Variants in INPP4B observed in about 807,000 individuals in gnomAD.
INPP4B encodes the protein inositol polyphosphate-4-phosphatase type II B, also known as inositol polyphosphate 4-phosphatase type II.
A neutral mutation model predicts 122.5 loss-of-function variants in INPP4B; 55 were observed. That is an observed-to-expected ratio of 0.45 (90% confidence interval 0.36 to 0.56). INPP4B has a LOEUF of 0.56. Among genes scored for constraint, INPP4B ranks in the 20% least tolerant of loss-of-function variants. The probability of loss-of-function intolerance (pLI) is 0.00; values close to 1 mark genes in which losing one functional copy is unlikely to be tolerated. For synonymous variants in INPP4B, 403 were observed against 388.7 expected (o/e 1.04, Z -0.43); for missense variants, 1,000 against 1,097.7 (o/e 0.91, Z 1.26).
chr4:142,242,772 G>A (rs1860117535), intron 11 of INPP4B, among the ~76,000 whole-genome samples: 3 of 152,108 alleles, frequency 2.0e-5, no homozygotes, highest in East Asian at 3.9e-4. Context: ...CTATATAGAT[G>A]TCTCTCCTTT....
intron 16 of INPP4B, among the ~76,000 whole-genome samples, chr4:142,168,499 T>C (rs1469013136): frequency 1.3e-5 from 2 of 151,602 alleles, no homozygotes; most frequent in Non-Finnish European, 3.0e-5. Flanking sequence ...AAGCCTTGTT[T>C]TCAAACCTTG....
chr4:142,235,265 T>A (rs1214641366), intron 12 of INPP4B, among the ~76,000 whole-genome samples: 1 of 151,926 alleles, frequency 6.6e-6, no homozygotes, highest in African/African-American at 2.4e-5. Flanking sequence ...CTTGTTGAAT[T>A]TTTAAATGAA....
At chr4:142,130,543 A>C (rs1800759799) in intron 18 of INPP4B, among the ~76,000 whole-genome samples, 1 of 152,202 alleles carries the variant, frequency 6.6e-6, no homozygotes, top group Admixed American at 6.5e-5. Flanking sequence ...GCCACATCAG[A>C]AACAATGTGT....
At chr4:142,528,542 A>G (rs948771693) in intron 2 of INPP4B, among the ~76,000 whole-genome samples, 50 of 152,108 alleles carry the variant, frequency 3.3e-4, no homozygotes, top group African/African-American at 1.1e-3. Context: ...GACAGAAATC[A>G]CAGTCTTTTA....
chr4:142,619,431 T>C (rs964152721), intron 2 of INPP4B, among the ~76,000 whole-genome samples: 3 of 152,086 alleles, frequency 2.0e-5, no homozygotes, highest in South Asian at 4.1e-4. Context: ...AATCCTGCCA[T>C]AGGCAACAAC....
intron 11 of INPP4B, among the ~76,000 whole-genome samples, chr4:142,248,083 C>G (rs1729845746): frequency 6.6e-6 from 1 of 152,014 alleles, no homozygotes; most frequent in African/African-American, 2.4e-5. Flanking sequence ...ACCTTCCACT[C>G]CCAGGATATG....
At chr4:142,134,184 C>T (rs78095946) in intron 18 of INPP4B, among the ~76,000 whole-genome samples, 6,454 of 152,170 alleles carry the variant, frequency 0.042, 192 homozygotes, top group Middle Eastern at 0.082. Flanking sequence ...CCTTTAAAAA[C>T]GTGGCATCCT....
At position 142,027,516 on chromosome 4, in the gene INPP4B, G is replaced by GTGA. The variant is rs1428058946; in HGVS notation, c.*1263_*1265dup. The stretch of plus-strand genomic sequence containing the variant: ...TTTTGTACTCTTAGTTTCAATTCCA[G>GTGA]TGATAAATCCTAATTTCTTTTTAAC... On this transcript the variant is annotated 3_prime_UTR_variant, in exon 26 of 26. Coordinates refer to ENST00000262992, the MANE Select transcript of INPP4B (RefSeq NM_001101669.3). 21 of 152,186 alleles carry GTGA rather than the reference G, an allele frequency of 1.4e-4. No homozygotes were observed. The allele number at this position is 152,186 out of a possible 1,614,324, so 9.4% of individuals were successfully genotyped here.
intron 2 of INPP4B, among the ~76,000 whole-genome samples, chr4:142,642,109 G>A (rs1750636295): frequency 6.6e-6 from 1 of 152,090 alleles, no homozygotes; most frequent in Non-Finnish European, 1.5e-5. Context: ...CTTGTTGATG[G>A]GGTTGTTTGT....
intron 9 of INPP4B, among the ~76,000 whole-genome samples, chr4:142,283,252 G>A (rs1385344779): frequency 6.6e-6 from 1 of 152,078 alleles, no homozygotes; most frequent in Non-Finnish European, 1.5e-5. Context: ...TCCTACATGG[G>A]GAGATGGTGA....
chr4:142,635,079 A>G (rs1748806796), intron 2 of INPP4B, among the ~76,000 whole-genome samples: 1 of 152,118 alleles, frequency 6.6e-6, no homozygotes, highest in African/African-American at 2.4e-5. Flanking sequence ...AAGAAGACAT[A>G]CATGTGGCCA....
intron 1 of INPP4B, among the ~76,000 whole-genome samples, chr4:142,805,354 A>T (rs1398471225): frequency 6.6e-6 from 1 of 152,208 alleles, no homozygotes; most frequent in Non-Finnish European, 1.5e-5. Flanking sequence ...AGACATAATA[A>T]ATAGAAAAAG....
At chr4:142,612,672 A>T (rs992741120) in intron 2 of INPP4B, among the ~76,000 whole-genome samples, 2 of 152,176 alleles carry the variant, frequency 1.3e-5, no homozygotes, top group Non-Finnish European at 2.9e-5. Context: ...ATAGCCTCAC[A>T]TGGAGGAAAG....
At chr4:142,169,633 T>G (rs1824546671) in intron 16 of INPP4B, among the ~76,000 whole-genome samples, 1 of 151,656 alleles carries the variant, frequency 6.6e-6, no homozygotes, top group Non-Finnish European at 1.5e-5. Context: ...ATATTGAGGT[T>G]GAAAGAACAG....
chr4:142,785,845 C>A (rs1168987325), intron 1 of INPP4B, among the ~76,000 whole-genome samples: 14 of 151,818 alleles, frequency 9.2e-5, no homozygotes, highest in Admixed American at 9.2e-4. Flanking sequence ...AGGATAAATC[C>A]CCTAAAATCT....
chr4:142,330,427 G>A (rs570300287), intron 7 of INPP4B, among the ~76,000 whole-genome samples: 48 of 152,240 alleles, frequency 3.2e-4, no homozygotes, highest in South Asian at 2.9e-3. Flanking sequence ...AGCAAGAGTG[G>A]TAACTGCCTG....
Position 142,382,272 on chromosome 4 carries a change from G to A in INPP4B, c.372+20666C>T, listed in dbSNP as rs1322036499. On this transcript the variant is annotated intron_variant, in intron 7 of 25. Transcript: ENST00000262992. The stretch of plus-strand genomic sequence containing the variant: ...GCCTGTAATCCCAATACTTTGGGAG[G>A]CCAAGGCGGGTGGATCACCTGAGAT... Among the ~76,000 whole-genome samples, 3 of 151,930 alleles carry A rather than the reference G, an allele frequency of 2.0e-5. No homozygotes were observed. In the East Asian group the frequency reaches 5.8e-4, roughly 29 times the overall value.
At chr4:142,136,407 C>CA (rs1804289074) in intron 18 of INPP4B, among the ~76,000 whole-genome samples, 1 of 152,244 alleles carries the variant, frequency 6.6e-6, no homozygotes, top group Non-Finnish European at 1.5e-5. Context: ...GATGGCAACT[C>CA]AGAGCATTAA....
chr4:142,681,827 A>G (rs1758661949), intron 2 of INPP4B, among the ~76,000 whole-genome samples: 1 of 152,058 alleles, frequency 6.6e-6, no homozygotes, highest in Non-Finnish European at 1.5e-5. Flanking sequence ...ATTGTATTGT[A>G]TGGCATCCTA....
Sources: allele counts gnomAD v4.1 joint callset (sites outside exome capture counted in the v4.1 genomes callset), GRCh38; gene constraint gnomAD v4.1.1; transcripts MANE v1.5; gene names NCBI Gene and HGNC (gene_info 2026-07-23, HGNC 2026-07-21).